COA1: variants seen among roughly 807,000 people sequenced by gnomAD.
COA1 encodes cytochrome c oxidase assembly factor 1.
COA1 carries 13 observed loss-of-function variants against 16.0 expected under a neutral mutation model. The observed-to-expected ratio is 0.81, with a 90% CI of 0.53 to 1.29. The LOEUF (loss-of-function observed/expected upper bound fraction) is 1.29, where lower values mean the gene tolerates loss of function less well. Among genes scored for constraint, COA1 ranks in the 50% most tolerant of loss-of-function variants. The pLI is 0.00. For synonymous variants in COA1, 65 were observed against 65.7 expected, an observed-to-expected ratio of 0.99 and a Z score of 0.05; for missense variants, 179 against 177.0, an observed-to-expected ratio of 1.01 and a Z score of -0.06.
intron 1 of COA1, among the ~76,000 whole-genome samples, chr7:43,691,350 AG>A (rs1449504272): frequency 7.0e-4 from 14 of 19,908 alleles, no homozygotes; most frequent in Non-Finnish European, 8.7e-4. Context: ...AGAGGGAGGG[AG>A]GGAGGGAGGG....
chr7:43,657,792 G>A (rs2153142476), intron 1 of COA1, among the ~76,000 whole-genome samples: 1 of 152,180 alleles, frequency 6.6e-6, no homozygotes, highest in Non-Finnish European at 1.5e-5. Flanking sequence ...AATATGCAAA[G>A]AACTTGTAAA....
chr7:43,699,900 T>C (rs996043719), intron 1 of COA1, among the ~76,000 whole-genome samples: 1 of 152,146 alleles, frequency 6.6e-6, no homozygotes, highest in Non-Finnish European at 1.5e-5. Context: ...ATTTTAGGTA[T>C]GATTTTGGTT....
intron 1 of COA1, chr7:43,650,857 G>A (rs1020620173): frequency 2.0e-5 from 3 of 150,530 alleles, no homozygotes; most frequent in Non-Finnish European, 4.4e-5. Flanking sequence ...ACAAGCAGCC[G>A]AAAGAGTGAG....
intron 6 of COA1, among the ~76,000 whole-genome samples, chr7:43,620,692 ATTAATAT>A: frequency 6.6e-6 from 1 of 150,482 alleles, no homozygotes; most frequent in East Asian, 2.0e-4. Flanking sequence ...AAAAAAGAAT[ATTAATAT>A]TTAAAATTTC....
chr7:43,645,525 G>T, intron 3 of COA1, 126 bp from the exon 4 acceptor site: 1 of 798,462 alleles, frequency 1.3e-6, no homozygotes. Context: ...GTGGATGGAC[G>T]AATAATTAAG....
At chr7:43,685,011 C>A (rs2093953120) in intron 1 of COA1, among the ~76,000 whole-genome samples, 1 of 152,052 alleles carries the variant, frequency 6.6e-6, no homozygotes. Context: ...AGTTAGTGAG[C>A]AGTGGCTCAC....
chr7:43,683,899 T>C (rs2093890945), intron 1 of COA1, among the ~76,000 whole-genome samples: 2 of 152,174 alleles, frequency 1.3e-5, no homozygotes, highest in South Asian at 4.1e-4. Context: ...ATGAATTCTG[T>C]GGGTCAGTAA....
chr7:43,685,555 A>G (rs2093984856), intron 1 of COA1, among the ~76,000 whole-genome samples: 1 of 152,208 alleles, frequency 6.6e-6, no homozygotes, highest in Non-Finnish European at 1.5e-5. Flanking sequence ...TTAATTGATT[A>G]TATCACAAGT....
At chr7:43,698,977 T>G (rs1279997203) in intron 1 of COA1, among the ~76,000 whole-genome samples, 3 of 152,198 alleles carry the variant, frequency 2.0e-5, no homozygotes, top group Non-Finnish European at 4.4e-5. Flanking sequence ...GCATAAATAT[T>G]CTTGCAATTG....
intron 1 of COA1, among the ~76,000 whole-genome samples, chr7:43,708,614 C>A (rs965949622): frequency 2.0e-4 from 31 of 152,136 alleles, no homozygotes; most frequent in Admixed American, 1.8e-3. Context: ...CTCTTTGGCA[C>A]CTTTTCTTAT....
intron 1 of COA1, among the ~76,000 whole-genome samples, chr7:43,700,657 T>C (rs1212678875): frequency 6.6e-6 from 1 of 150,722 alleles, no homozygotes; most frequent in Non-Finnish European, 1.5e-5. Context: ...TAATATTCAA[T>C]GCTCACACTA....
In COA1 at chr7:43,686,148, T is replaced by G. The variant is rs1046411430; in HGVS notation, c.-38-37496A>C. Among the ~76,000 whole-genome samples, 3 of 152,214 alleles carry G rather than the reference T, an allele frequency of 2.0e-5. 1 individual carries two copies. Among genetic ancestry groups the G allele is most frequent in the Non-Finnish European group, 4.4e-5 (3 of 68,044 alleles). ...TACCAGCTTAACTTTATTTGAAGAC[T>G]TCCAGTCAAATTTTCATTTTGAATA... On this transcript the variant is annotated intron_variant, in intron 1 of 5. Coordinates refer to ENST00000223336, the MANE Select transcript of COA1 (RefSeq NM_018224.4).
intron 1 of COA1, among the ~76,000 whole-genome samples, chr7:43,667,138 C>T (rs2092941480): frequency 1.3e-5 from 2 of 152,144 alleles, no homozygotes; most frequent in Admixed American, 1.3e-4. Flanking sequence ...ATGGTAAAGG[C>T]TAATGAAAGG....
chr7:43,663,301 C>T (rs999639942), intron 1 of COA1, among the ~76,000 whole-genome samples: 10 of 152,094 alleles, frequency 6.6e-5, no homozygotes, highest in Admixed American at 6.5e-4. Flanking sequence ...GAATAATGAG[C>T]CAATTAAACT....
In COA1 at chr7:43,647,642, A is replaced by C; in HGVS notation, c.16-8T>G. The C allele has an allele frequency of 6.3e-7, 1 of 1,599,578 alleles. No homozygotes were observed. The highest frequency in any genetic ancestry group is 8.6e-7 in the Non-Finnish European group (1 of 1,167,416). On this transcript the variant is annotated splice_region_variant and splice_polypyrimidine_tract_variant and intron_variant, in intron 2 of 5. Transcript: ENST00000223336. Reference sequence around the variant, plus strand: ...CCGCCTGCTTCCTGCATACTTAAAAACAAAAGATACAAATTTATTGTAGGA... The same window carrying C: ...CCGCCTGCTTCCTGCATACTTAAAACCAAAAGATACAAATTTATTGTAGGA...
At chr7:43,717,595 A>C (rs2095420741) in intron 1 of COA1, among the ~76,000 whole-genome samples, 1 of 152,122 alleles carries the variant, frequency 6.6e-6, no homozygotes, top group African/African-American at 2.4e-5. Flanking sequence ...TTGAACTGTG[A>C]ACTTTTGGGT....
intron 1 of COA1, among the ~76,000 whole-genome samples, chr7:43,705,985 C>A (rs2094956563): frequency 6.6e-6 from 1 of 152,122 alleles, no homozygotes; most frequent in African/African-American, 2.4e-5. Flanking sequence ...ACTCTCAATG[C>A]CTTCTTTCCA....
chr7:43,719,199 C>T (rs1427305779), intron 1 of COA1, among the ~76,000 whole-genome samples: 1 of 152,110 alleles, frequency 6.6e-6, no homozygotes, highest in African/African-American at 2.4e-5. Flanking sequence ...AACTCCTGAC[C>T]TCAAGTGATC....
At chr7:43,653,959 T>TA in intron 1 of COA1, among the ~76,000 whole-genome samples, 1 of 152,146 alleles carries the variant, frequency 6.6e-6, no homozygotes, top group Non-Finnish European at 1.5e-5. Flanking sequence ...TTAAAATACC[T>TA]ATAAAGATAC....
Sources: gnomAD v4.1 joint callset for allele counts (sites outside exome capture counted in the v4.1 genomes callset) on GRCh38, gnomAD v4.1.1 for gene constraint, MANE v1.5 for transcripts, NCBI Gene and HGNC (gene_info 2026-07-23, HGNC 2026-07-21) for gene names.